The following LRIG1 variants were observed in gnomAD, a reference collection of about 807,000 sequenced individuals.
LRIG1 encodes leucine rich repeats and immunoglobulin like domains 1, also known as leucine-rich repeats and immunoglobulin-like domains protein 1.
In LRIG1, 48 loss-of-function variants were observed where a neutral mutation model predicts 99.2. The observed-to-expected ratio is 0.48, with a 90% CI of 0.38 to 0.62. LRIG1 has a LOEUF of 0.62. Among genes scored for constraint, LRIG1 ranks in the 20% least tolerant of loss-of-function variants. The probability of loss-of-function intolerance (pLI) is 0.00; values close to 1 mark genes in which losing one functional copy is unlikely to be tolerated. For synonymous variants in LRIG1, 772 were observed against 596.1 expected (o/e 1.29, Z -4.30); for missense variants, 1,646 against 1,434.4 (o/e 1.15, Z -2.38).
In LRIG1 at chr3:66,500,434, G is replaced by A. The variant is rs529446701; in HGVS notation, c.-27C>T. 13 of 1,331,532 alleles carry A rather than the reference G, an allele frequency of 9.8e-6. No homozygotes were observed. The East Asian group carries it at 1.8e-4, about 18-fold the overall frequency. The allele number at this position is 1,331,532 out of a possible 1,614,324, so 82.5% of individuals were successfully genotyped here. ...TTGTCTGGAGCGCGCTGCGAACTCC[G>A]GGCGCGGGGACTGTGAGGACCCGAA... On this transcript the variant is annotated 5_prime_UTR_variant, in exon 1 of 19. Coordinates refer to ENST00000273261, the MANE Select transcript of LRIG1 (RefSeq NM_015541.3).
Position 66,462,452 on chromosome 3 carries a change from C to T in LRIG1, c.276G>A (p.Pro92=), listed in dbSNP as rs771914650. Residue 92 remains proline, a synonymous_variant, in exon 2 of 19, where the codon CCG becomes CCA. Transcript: ENST00000273261. ...EIDPAGFEDL[P]NLQEVYLNNN... ...GGGAGACTCACACTTCCTGTAGGTT[C>T]GGCAAGTCCTCAAAACCAGCAGGGT... is the stretch of plus-strand genomic sequence containing the variant. 12 of 1,612,088 alleles carry T rather than the reference C, an allele frequency of 7.4e-6. No homozygotes were observed. The highest frequency in any genetic ancestry group is 2.2e-5 in the East Asian group (1 of 44,896).
Position 66,386,251 on chromosome 3 carries a change from T to G in LRIG1, c.1519A>C (p.Met507Leu). Residue 507 changes from methionine (M) to leucine (L), a missense_variant, in exon 13 of 19, where the codon ATG becomes CTG. Transcript: ENST00000273261. ...GTAAACCGGATGTCCTTGCCCACCA[T>G]AGCCATGGTGGTTTCTGGCTGGGTG... ...IITQPETTMA[M>L]VGKDIRFTCS... 1 of 1,614,112 alleles carries G rather than the reference T, an allele frequency of 6.2e-7. No homozygotes were observed. The highest frequency in any genetic ancestry group is 8.5e-7 in the Non-Finnish European group (1 of 1,179,998).
At chr3:66,492,610 A>G (rs1306697030) in intron 1 of LRIG1, among the ~76,000 whole-genome samples, 1 of 152,210 alleles carries the variant, frequency 6.6e-6, no homozygotes, top group East Asian at 1.9e-4. Context: ...AAAGTTCAAA[A>G]ACTAATCAAC....
chr3:66,488,965 T>A (rs973075014), intron 1 of LRIG1, among the ~76,000 whole-genome samples: 2 of 152,212 alleles, frequency 1.3e-5, no homozygotes, highest in Non-Finnish European at 2.9e-5. Flanking sequence ...TTTTCCTGGT[T>A]TTTTTTCTTT....
At chr3:66,464,308 T>C (rs1323781869) in intron 1 of LRIG1, among the ~76,000 whole-genome samples, 1 of 152,042 alleles carries the variant, frequency 6.6e-6, no homozygotes, top group Non-Finnish European at 1.5e-5. Flanking sequence ...GGCAAGAGCT[T>C]AGAGGACAAG....
At chr3:66,434,403 C>A (rs1703274445) in intron 3 of LRIG1, among the ~76,000 whole-genome samples, 1 of 152,060 alleles carries the variant, frequency 6.6e-6, no homozygotes, top group Non-Finnish European at 1.5e-5. Context: ...AAAATGAAAA[C>A]CATAATGAGC....
At chr3:66,490,546 A>C (rs1414066719) in intron 1 of LRIG1, among the ~76,000 whole-genome samples, 11 of 152,210 alleles carry the variant, frequency 7.2e-5, no homozygotes, top group Non-Finnish European at 1.6e-4. Context: ...GTACCACCAC[A>C]CTGCTAAAAC....
At chr3:66,438,025 A>G (rs185739436) in intron 3 of LRIG1, among the ~76,000 whole-genome samples, 8 of 152,270 alleles carry the variant, frequency 5.3e-5, no homozygotes, top group Non-Finnish European at 1.2e-4. Context: ...CCCTTCATTC[A>G]TGTCTTCGTC....
At chr3:66,425,730 C>A (rs1351263830) in intron 3 of LRIG1, among the ~76,000 whole-genome samples, 1 of 152,200 alleles carries the variant, frequency 6.6e-6, no homozygotes, top group Admixed American at 6.5e-5. Context: ...GGCCAGGTCA[C>A]GTGGCATTCG....
In LRIG1 at chr3:66,446,776, C is replaced by T. The variant is rs181600926; in HGVS notation, c.365+4783G>A. Among the ~76,000 whole-genome samples the T allele has an allele frequency of 1.7e-3, 252 of 151,714 alleles. 2 individuals carry two copies. Among genetic ancestry groups the T allele is most frequent in the Middle Eastern group, 6.8e-3 (2 of 294 alleles). ...CAGCAAAATATAGTTAAAGCCACCT[C>T]AGATATTTTATTAAGTTATTTATAA... On this transcript the variant is annotated intron_variant, in intron 3 of 18. Coordinates refer to ENST00000273261, the MANE Select transcript of LRIG1 (RefSeq NM_015541.3).
intron 4 of LRIG1, among the ~76,000 whole-genome samples, chr3:66,415,379 C>T (rs187096338): frequency 6.6e-6 from 1 of 152,166 alleles, no homozygotes; most frequent in Non-Finnish European, 1.5e-5. Flanking sequence ...ACCAGCCCTG[C>T]GTCAGGAGCC....
intron 4 of LRIG1, among the ~76,000 whole-genome samples, chr3:66,416,861 C>G (rs1702630261): frequency 6.6e-6 from 1 of 152,244 alleles, no homozygotes; most frequent in Non-Finnish European, 1.5e-5. Context: ...GTCCTAGACT[C>G]TCGTCTTGGA....
At chr3:66,451,001 A>C (rs1485172689) in intron 3 of LRIG1, among the ~76,000 whole-genome samples, 1 of 152,244 alleles carries the variant, frequency 6.6e-6, no homozygotes, top group Non-Finnish European at 1.5e-5. Flanking sequence ...GGGTGCCTTC[A>C]TGTCTTTTTA....
At chr3:66,402,206 T>G (rs373995274) in intron 9 of LRIG1, among the ~76,000 whole-genome samples, 71 of 152,318 alleles carry the variant, frequency 4.7e-4, no homozygotes, top group African/African-American at 1.7e-3. Flanking sequence ...TCTCTGCCTG[T>G]AATTTGGGAT....
At chr3:66,478,640 C>T (rs780066382) in intron 1 of LRIG1, among the ~76,000 whole-genome samples, 1 of 152,194 alleles carries the variant, frequency 6.6e-6, no homozygotes, top group Admixed American at 6.5e-5. Flanking sequence ...CTAACAGAGG[C>T]TACCATGTCA....
chr3:66,465,005 C>T (rs924170197), intron 1 of LRIG1, among the ~76,000 whole-genome samples: 3 of 152,086 alleles, frequency 2.0e-5, no homozygotes, highest in African/African-American at 7.2e-5. Flanking sequence ...GAAGTGGAAA[C>T]GTTAAGTTTT....
At chr3:66,387,339 T>G (rs1277056623) in intron 12 of LRIG1, 1 of 152,068 alleles carries the variant, frequency 6.6e-6, no homozygotes, top group Non-Finnish European at 1.5e-5. Flanking sequence ...GGTCCTCATT[T>G]GTCACCTGTG....
At chr3:66,427,967 A>C (rs1703036311) in intron 3 of LRIG1, among the ~76,000 whole-genome samples, 1 of 152,182 alleles carries the variant, frequency 6.6e-6, no homozygotes, top group Non-Finnish European at 1.5e-5. Flanking sequence ...AGCAGTAGTT[A>C]ATTCTTTTCT....
rs747199881 is a variant in LRIG1, at chr3:66,414,994, T to C, written c.573A>G (p.Leu191=). The change falls in exon 5 of 19, where the codon CTA becomes CTG. Residue 191 remains leucine, a synonymous_variant. Coordinates refer to ENST00000273261, the MANE Select transcript of LRIG1 (RefSeq NM_015541.3). ...TCCTGTTTTTGCTCAGGCGAAGAGTTAGCAGCGACCGTGACAGACCATCAA... is the reference window on the plus strand; with the variant it reads ...TCCTGTTTTTGCTCAGGCGAAGAGTCAGCAGCGACCGTGACAGACCATCAA... ...GAFDGLSRSL[L]TLRLSKNRIT... 2.5e-6 allele frequency: 4 copies of C among 1,613,076 alleles called. No homozygotes were observed. The highest frequency in any genetic ancestry group is 1.7e-5 in the Admixed American group (1 of 59,870).
Sources: gnomAD v4.1 joint callset for allele counts (sites outside exome capture counted in the v4.1 genomes callset) on GRCh38, gnomAD v4.1.1 for gene constraint, MANE v1.5 for transcripts, NCBI Gene and HGNC (gene_info 2026-07-23, HGNC 2026-07-21) for gene names.